UBR2: variants seen among roughly 807,000 people sequenced by gnomAD.
UBR2 encodes E3 ubiquitin-protein ligase UBR2.
In UBR2, 92 loss-of-function variants were observed where a neutral mutation model predicts 247.9. That is an observed-to-expected ratio of 0.37 (90% CI 0.31 to 0.44). The LOEUF (loss-of-function observed/expected upper bound fraction) is 0.44, where lower values mean the gene tolerates loss of function less well. UBR2 is among the 20% of genes least tolerant of loss of function. UBR2 has a pLI of 1.00. For synonymous variants in UBR2, 672 were observed against 693.5 expected, an observed-to-expected ratio of 0.97 and a Z score of 0.49; for missense variants, 1,613 against 2,112.6, an observed-to-expected ratio of 0.76 and a Z score of 4.64.
chr6:42,586,538 C>CTTTTTTTTTTTTTTTTTT (rs147830824), intron 2 of UBR2, among the ~76,000 whole-genome samples: 10 of 97,258 alleles, frequency 1.0e-4, no homozygotes, highest in East Asian at 2.9e-4. Flanking sequence ...GTTTGTCTCT[C>CTTTTTTTTTTTTTTTTTT]TTTTTTTTTT....
At position 42,642,433 on chromosome 6, in the gene UBR2, T is replaced by A; in HGVS notation, c.2049T>A (p.Asn683Lys). Residue 683 changes from asparagine (N) to lysine (K), a missense_variant, in exon 18 of 47, where the codon AAT becomes AAA. By Grantham distance (94) the Asn-to-Lys change is moderately conservative. This residue lies in a region of UBR2 where 1,524 missense variants were observed against 1,967.3 expected (regional missense o/e 0.77). Coordinates refer to ENST00000372901, the MANE Select transcript of UBR2 (RefSeq NM_001363705.2). ...TTTTTTAGATTTATTACTACCATAATGTGAAATGCAGACGTGAGATGTTTG... is the reference window on the plus strand; with the variant it reads ...TTTTTTAGATTTATTACTACCATAAAGTGAAATGCAGACGTGAGATGTTTG... ...SLVNQIYYYH[N>K]VKCRREMFDK... is the part of the protein sequence containing the mutation. The A allele has an allele frequency of 6.2e-7, 1 of 1,608,724 alleles. No individual in the cohort carries two copies. The highest frequency in any genetic ancestry group is 8.5e-7 in the Non-Finnish European group (1 of 1,176,024).
chr6:42,580,043 G>GTT (rs11377376), intron 2 of UBR2, among the ~76,000 whole-genome samples: 22 of 151,070 alleles, frequency 1.5e-4, no homozygotes, highest in Admixed American at 2.6e-4. Flanking sequence ...AGATTTCTAG[G>GTT]TTTTTTTTTC....
intron 11 of UBR2, 141 bp from the exon 12 acceptor site, chr6:42,632,410 TA>T (rs1795805695): frequency 3.1e-6 from 2 of 636,978 alleles, no homozygotes; most frequent in Non-Finnish European, 4.8e-6. Flanking sequence ...TATTTAGAAA[TA>T]CACAGTAATG....
chr6:42,658,545 A>T (rs1797576238), intron 28 of UBR2, 101 bp from the exon 29 acceptor site: 2 of 1,223,592 alleles, frequency 1.6e-6, no homozygotes, highest in Non-Finnish European at 2.2e-6. Flanking sequence ...GAGATTATAG[A>T]ATAGTTTTTT....
chr6:42,644,164 C>G (rs1582628719), intron 18 of UBR2, 50 bp from the exon 19 acceptor site: 1 of 1,564,008 alleles, frequency 6.4e-7, no homozygotes, highest in East Asian at 2.2e-5. Flanking sequence ...ATAGTGGCCC[C>G]TTTGACCTTC....
chr6:42,592,128 A>G, intron 2 of UBR2, 23 bp from the exon 3 acceptor site: 1 of 1,188,828 alleles, frequency 8.4e-7, no homozygotes, highest in Non-Finnish European at 1.2e-6. Context: ...TGACACTTTG[A>G]TTTTTTTTTT....
chr6:42,598,733 T>C (rs979789717), intron 4 of UBR2, among the ~76,000 whole-genome samples: 2 of 152,212 alleles, frequency 1.3e-5, no homozygotes, highest in African/African-American at 4.8e-5. Context: ...GTGAATCTCA[T>C]AACTGATTGT....
intron 7 of UBR2, among the ~76,000 whole-genome samples, chr6:42,607,716 T>TC: frequency 7.2e-6 from 1 of 139,214 alleles, no homozygotes; most frequent in Non-Finnish European, 1.5e-5. Flanking sequence ...CCAGCTGTTT[T>TC]TTTTTTTTTT....
rs1365397467 is a variant in UBR2 at position 42,612,277 on chromosome 6, T to G, written c.971T>G (p.Ile324Ser). 1.3e-6 allele frequency: 2 copies of G among 1,516,598 alleles called. No homozygotes were observed. 93.9% of individuals were successfully genotyped at this position (1,516,598 alleles called of 1,614,324 possible). ...GLKLLSWLGS[I>S]IGYSDGLRRI... ...AAACTTTTGTCTTGGCTGGGAAGTATTATTGGATATTCAGGTAGGTTCATA... is the reference window on the plus strand; with the variant it reads ...AAACTTTTGTCTTGGCTGGGAAGTAGTATTGGATATTCAGGTAGGTTCATA... Residue 324 changes from isoleucine to serine, a missense_variant, in exon 8 of 47, where the codon ATT becomes AGT. Around this residue, in one of 3 missense-constraint regions of UBR2, gnomAD observed 1,524 missense variants for 1,967.3 expected, o/e 0.77. Transcript: ENST00000372901.
At chr6:42,585,453 C>T (rs866508092) in intron 2 of UBR2, among the ~76,000 whole-genome samples, 34 of 152,186 alleles carry the variant, frequency 2.2e-4, no homozygotes, top group Middle Eastern at 3.4e-3. Context: ...CCTTGTAAAA[C>T]GAATTGGGAT....
intron 20 of UBR2, 80 bp from the exon 21 acceptor site, chr6:42,645,386 T>C (rs1796695886): frequency 1.5e-6 from 2 of 1,304,600 alleles, no homozygotes; most frequent in South Asian, 2.5e-5. Flanking sequence ...TATAACATGC[T>C]GCATGAATTA....
intron 42 of UBR2, 53 bp downstream of exon 42, chr6:42,679,885 C>A: frequency 1.5e-6 from 2 of 1,297,936 alleles, no homozygotes; most frequent in Admixed American, 2.3e-5. Context: ...TGGAACCAAA[C>A]TTTAGTTATC....
chr6:42,565,094 G>A (rs952810265), intron 1 of UBR2, among the ~76,000 whole-genome samples: 33 of 152,224 alleles, frequency 2.2e-4, no homozygotes, highest in African/African-American at 6.8e-4. Flanking sequence ...AACGTTGATA[G>A]AGCAGCTTTC....
chr6:42,566,058 A>G (rs1229137020), intron 1 of UBR2, among the ~76,000 whole-genome samples: 25 of 152,062 alleles, frequency 1.6e-4, no homozygotes, highest in Admixed American at 1.6e-3. Flanking sequence ...TCTAATTGAT[A>G]TCTGTTGCTT....
At chr6:42,646,836 G>C (rs1416783105) in intron 21 of UBR2, among the ~76,000 whole-genome samples, 3 of 151,190 alleles carry the variant, frequency 2.0e-5, no homozygotes, top group Non-Finnish European at 4.4e-5. Flanking sequence ...GAGAGAGAGA[G>C]AGAGAGATAG....
chr6:42,689,417 A>ATT lies in UBR2; in HGVS notation c.5025-150_5025-149dup. 2.7e-6 allele frequency: 2 copies of ATT among 729,854 alleles called. No homozygotes were observed. The allele number at this position is 729,854 out of a possible 1,614,324, so 45.2% of individuals were successfully genotyped here. On this transcript the variant is annotated intron_variant, in intron 45 of 46. Coordinates refer to ENST00000372901, the MANE Select transcript of UBR2 (RefSeq NM_001363705.2). The surrounding 1 kb of genome is among the most constrained non-coding windows in gnomAD (Gnocchi z 4.0). Reference sequence around the variant, plus strand: ...ACACAAATTTGACTCGATTCAACCTATTTCCTAGTTTGTGCACAATTTTTT... The same window carrying ATT: ...ACACAAATTTGACTCGATTCAACCTATTTTTCCTAGTTTGTGCACAATTTTTT...
chr6:42,591,694 A>G (rs1048708431), intron 2 of UBR2, among the ~76,000 whole-genome samples: 1 of 152,230 alleles, frequency 6.6e-6, no homozygotes, highest in African/African-American at 2.4e-5. Context: ...CTTGCATTTC[A>G]GTTGATACTT....
chr6:42,681,851 T>C (rs1037434018), intron 42 of UBR2, among the ~76,000 whole-genome samples: 3 of 152,362 alleles, frequency 2.0e-5, no homozygotes, highest in African/African-American at 7.2e-5. Context: ...CCAACTCAGA[T>C]GTTCAACAGA....
chr6:42,657,385 A>G (rs1402202489), intron 26 of UBR2, among the ~76,000 whole-genome samples: 1 of 152,174 alleles, frequency 6.6e-6, no homozygotes, highest in Non-Finnish European at 1.5e-5. Context: ...CCTCTCCCTT[A>G]TCTAGAGTCA....
Sources: gnomAD v4.1 joint callset for allele counts (sites outside exome capture counted in the v4.1 genomes callset) on GRCh38, gnomAD v4.1.1 for gene constraint, gnomAD v4.1.1 regional missense constraint, Gnocchi (gnomAD v3.1) non-coding constraint, MANE v1.5 for transcripts, NCBI Gene and HGNC (gene_info 2026-07-23, HGNC 2026-07-21) for gene names.